Variants in MCTP1 observed in about 807,000 individuals in gnomAD.
The protein encoded by MCTP1 is multiple C2 and transmembrane domain containing 1, also known as multiple C2 and transmembrane domain-containing protein 1.
A neutral mutation model predicts 120.6 loss-of-function variants in MCTP1; 69 were observed. The ratio of observed to expected loss-of-function variants is 0.57; its 90% confidence interval spans 0.47 to 0.70. The LOEUF (loss-of-function observed/expected upper bound fraction) is 0.70. Ranked by LOEUF, MCTP1 falls within the 30% of genes least tolerant of loss-of-function variation. MCTP1 has a pLI of 0.00. For missense variants in MCTP1, 1,203 were observed against 1,248.8 expected (o/e 0.96, Z 0.55); for synonymous variants, 529 against 493.1 (o/e 1.07, Z -0.96).
intron 1 of MCTP1, among the ~76,000 whole-genome samples, chr5:95,073,860 C>T (rs2152268432): frequency 6.6e-6 from 1 of 152,198 alleles, no homozygotes; most frequent in East Asian, 1.9e-4. Context: ...TGCCTGTAAT[C>T]CCAGCACTTT....
intron 1 of MCTP1, among the ~76,000 whole-genome samples, chr5:95,207,197 C>T (rs1278922952): frequency 2.0e-5 from 3 of 151,998 alleles, no homozygotes; most frequent in African/African-American, 7.2e-5. Flanking sequence ...ATGAAGATGA[C>T]ATGTTAATAG....
At chr5:94,796,024 C>A (rs77282771) in intron 18 of MCTP1, among the ~76,000 whole-genome samples, 1,720 of 152,322 alleles carry the variant, frequency 0.011, 34 homozygotes, top group African/African-American at 0.039. Context: ...AATAAACACA[C>A]AAAGAAACAC....
At chr5:94,784,500 C>T (rs1302809453) in intron 18 of MCTP1, among the ~76,000 whole-genome samples, 2 of 152,138 alleles carry the variant, frequency 1.3e-5, no homozygotes, top group Non-Finnish European at 2.9e-5. Flanking sequence ...ACCTACTTCT[C>T]ACAAGATTTT....
At chr5:95,154,197 A>G (rs1744839649) in intron 1 of MCTP1, 1 of 152,176 alleles carries the variant, frequency 6.6e-6, no homozygotes, top group Admixed American at 6.5e-5. Context: ...AGGAACAGAT[A>G]TTTCACACAC....
intron 12 of MCTP1, among the ~76,000 whole-genome samples, chr5:94,883,375 T>C (rs1279543452): frequency 6.6e-6 from 1 of 152,148 alleles, no homozygotes; most frequent in Non-Finnish European, 1.5e-5. Flanking sequence ...TTAGCTTATA[T>C]AATGGGAATA....
chr5:95,017,496 G>A lies in MCTP1; in HGVS notation c.721-12C>T, dbSNP rs750059834. On this transcript the variant is annotated splice_polypyrimidine_tract_variant and intron_variant, in intron 1 of 22. Transcript: ENST00000515393. ...GTGTTTATTATTTTCTGGAAAACACGAAATATAAAAAATATTAAATTTATT... is the reference window on the plus strand; with the variant it reads ...GTGTTTATTATTTTCTGGAAAACACAAAATATAAAAAATATTAAATTTATT... The A allele has an allele frequency of 3.3e-5, 51 of 1,527,704 alleles. 1 individual carries two copies. Among genetic ancestry groups the A allele is most frequent in the South Asian group, 1.8e-4 (15 of 82,554 alleles). The allele number at this position is 1,527,704 out of a possible 1,614,324, so 94.6% of individuals were successfully genotyped here.
chr5:94,796,262 A>C (rs766782175), intron 18 of MCTP1, among the ~76,000 whole-genome samples: 4 of 151,984 alleles, frequency 2.6e-5, no homozygotes, highest in South Asian at 2.1e-4. Flanking sequence ...CTGAATGTAC[A>C]GATTTTTGTT....
At chr5:94,837,759 G>T (rs1790143387) in intron 17 of MCTP1, among the ~76,000 whole-genome samples, 1 of 152,158 alleles carries the variant, frequency 6.6e-6, no homozygotes, top group Non-Finnish European at 1.5e-5. Context: ...AGAGACGGGG[G>T]CGCTGGTTAA....
intron 1 of MCTP1, among the ~76,000 whole-genome samples, chr5:95,056,371 C>T (rs1043508214): frequency 5.3e-5 from 8 of 152,134 alleles, no homozygotes; most frequent in Non-Finnish European, 2.9e-5. Flanking sequence ...GTAATCAGAT[C>T]ACGGTAGTTA....
chr5:94,740,238 T>C (rs1247802133), intron 19 of MCTP1, among the ~76,000 whole-genome samples: 1 of 152,206 alleles, frequency 6.6e-6, no homozygotes, highest in East Asian at 1.9e-4. Context: ...CTGCATACTC[T>C]TACAATAAAA....
chr5:95,213,945 T>C (rs879910304), intron 1 of MCTP1, among the ~76,000 whole-genome samples: 170 of 152,176 alleles, frequency 1.1e-3, no homozygotes, highest in Non-Finnish European at 1.9e-3. Flanking sequence ...ATTCAGGACA[T>C]AGGCATGGGC....
intron 17 of MCTP1, among the ~76,000 whole-genome samples, chr5:94,799,686 G>A (rs1347857900): frequency 6.6e-6 from 1 of 152,062 alleles, no homozygotes; most frequent in Non-Finnish European, 1.5e-5. Context: ...TTAATATTCA[G>A]CATTACCATA....
chr5:94,835,484 G>A (rs1029238436), intron 17 of MCTP1, among the ~76,000 whole-genome samples: 1 of 152,224 alleles, frequency 6.6e-6, no homozygotes, highest in Non-Finnish European at 1.5e-5. Context: ...ACAGTGGCAA[G>A]TGACTTAACG....
At chr5:95,071,449 C>T (rs557596759) in intron 1 of MCTP1, among the ~76,000 whole-genome samples, 2 of 152,348 alleles carry the variant, frequency 1.3e-5, no homozygotes, top group African/African-American at 4.8e-5. Flanking sequence ...TTAAAAGTCA[C>T]TTTCTCACAG....
chr5:95,170,682 T>G (rs890737365), intron 1 of MCTP1, among the ~76,000 whole-genome samples: 1 of 152,210 alleles, frequency 6.6e-6, no homozygotes, highest in Non-Finnish European at 1.5e-5. Context: ...CTTTGTCTCT[T>G]TTGATCTTTG....
At chr5:95,103,678 C>T (rs1756899924) in intron 1 of MCTP1, among the ~76,000 whole-genome samples, 1 of 152,170 alleles carries the variant, frequency 6.6e-6, no homozygotes, top group Admixed American at 6.5e-5. Flanking sequence ...CTTTATTCAA[C>T]AATTTTCGAG....
chr5:94,853,336 C>G (rs1425472455), intron 17 of MCTP1, among the ~76,000 whole-genome samples: 1 of 151,888 alleles, frequency 6.6e-6, no homozygotes, highest in Non-Finnish European at 1.5e-5. Context: ...CTCCTGTGTT[C>G]CAGAGAATGG....
At chr5:95,226,513 T>A (rs1415546845) in intron 1 of MCTP1, among the ~76,000 whole-genome samples, 4 of 152,074 alleles carry the variant, frequency 2.6e-5, no homozygotes, top group Non-Finnish European at 5.9e-5. Flanking sequence ...TGGCCACACA[T>A]CCACTGCCAA....
At chr5:94,885,295 A>G in intron 12 of MCTP1, among the ~76,000 whole-genome samples, 1 of 148,628 alleles carries the variant, frequency 6.7e-6, no homozygotes, top group African/African-American at 2.5e-5. Flanking sequence ...CTTCCTTAGG[A>G]GCTCAGAAAA....
Sources: allele counts gnomAD v4.1 joint callset (sites outside exome capture counted in the v4.1 genomes callset), GRCh38; gene constraint gnomAD v4.1.1; transcripts MANE v1.5; gene names NCBI Gene and HGNC (gene_info 2026-07-23, HGNC 2026-07-21).